The following CFTR variants were observed in gnomAD, a reference collection of about 807,000 sequenced individuals.
CFTR encodes CF transmembrane conductance regulator.
Under a neutral mutation model 171.6 loss-of-function variants are expected in CFTR, and 181 were observed. The observed-to-expected ratio is 1.05, with a 90% CI of 0.93 to 1.19. The LOEUF is 1.19. Ranked by LOEUF, CFTR falls within the 50% of genes most tolerant of loss-of-function variation. The pLI, the probability that CFTR is intolerant of heterozygous loss-of-function variation, is 0.00. For synonymous variants in CFTR, 583 were observed against 608.0 expected (o/e 0.96, Z 0.60); for missense variants, 1,968 against 1,734.7 (o/e 1.13, Z -2.39).
At chr7:117,553,375 A>C (rs1391529605) in intron 10 of CFTR, among the ~76,000 whole-genome samples, 1 of 152,206 alleles carries the variant, frequency 6.6e-6, no homozygotes, top group Non-Finnish European at 1.5e-5. Context: ...ACAACACTAC[A>C]AATAACTTTA....
intron 11 of CFTR, among the ~76,000 whole-genome samples, chr7:117,563,069 T>C (rs1238350289): frequency 2.0e-5 from 3 of 152,064 alleles, no homozygotes; most frequent in East Asian, 1.9e-4. Flanking sequence ...CTGACTGTGA[T>C]AGTGAGGAGC....
At chr7:117,544,655 C>A (rs1256220852) in intron 9 of CFTR, among the ~76,000 whole-genome samples, 4 of 152,190 alleles carry the variant, frequency 2.6e-5, no homozygotes, top group Non-Finnish European at 5.9e-5. Flanking sequence ...GCTTCAACAT[C>A]TTTTGTCAAC....
Position 117,595,164 on chromosome 7 carries a change from TGTATACATGTATAA to T in CFTR, c.2619+111_2619+124del. 4 of 835,888 alleles carry T rather than the reference TGTATACATGTATAA, an allele frequency of 4.8e-6. No individual in the cohort carries two copies. The South Asian group carries it at 5.8e-5, about 12-fold the overall frequency. The allele number at this position is 835,888 out of a possible 1,614,324, so 51.8% of individuals were successfully genotyped here. ...ACACATAAATATGTATATATACACA[TGTATACATGTATAA>T]GTATGCATATATACACACATATATC... On this transcript the variant is annotated intron_variant, in intron 15 of 26. Transcript: ENST00000003084.
chr7:117,620,288 C>T (rs1453356539), intron 21 of CFTR, among the ~76,000 whole-genome samples: 1 of 152,174 alleles, frequency 6.6e-6, no homozygotes, highest in African/African-American at 2.4e-5. Context: ...CAAGTCCTAG[C>T]CTCCTTGAGG....
intron 8 of CFTR, among the ~76,000 whole-genome samples, chr7:117,540,867 A>T (rs2115878213): frequency 6.6e-6 from 1 of 152,284 alleles, no homozygotes; most frequent in East Asian, 1.9e-4. Context: ...TGGCTCCTAG[A>T]CCTGTCTTAT....
chr7:117,543,632 G>A (rs926674530), intron 9 of CFTR, among the ~76,000 whole-genome samples: 3 of 152,106 alleles, frequency 2.0e-5, no homozygotes, highest in African/African-American at 7.2e-5. Flanking sequence ...TAGGGACTTG[G>A]CTCAGCTCAC....
At chr7:117,501,131 C>G (rs919070787) in intron 1 of CFTR, among the ~76,000 whole-genome samples, 2 of 152,148 alleles carry the variant, frequency 1.3e-5, no homozygotes, top group Non-Finnish European at 2.9e-5. Flanking sequence ...AAATTCTGCT[C>G]ATTTGTAAAT....
chr7:117,552,923 G>A (rs1449146748), intron 10 of CFTR, among the ~76,000 whole-genome samples: 1 of 152,156 alleles, frequency 6.6e-6, no homozygotes, highest in East Asian at 1.9e-4. Flanking sequence ...GTATTGCAGG[G>A]TGGGGCCTTT....
intron 10 of CFTR, among the ~76,000 whole-genome samples, chr7:117,557,669 T>C (rs754922924): frequency 6.6e-6 from 1 of 152,098 alleles, no homozygotes. Flanking sequence ...AACATGAAAA[T>C]TATAGTCCTT....
intron 7 of CFTR, 125 bp downstream of exon 7, chr7:117,536,798 G>T: frequency 1.2e-6 from 1 of 840,632 alleles, no homozygotes; most frequent in Non-Finnish European, 1.9e-6. Context: ...TTGCATTTAA[G>T]TTCTGTCAAT....
intron 3 of CFTR, among the ~76,000 whole-genome samples, chr7:117,516,155 G>C (rs1024797307): frequency 2.0e-5 from 3 of 152,072 alleles, no homozygotes; most frequent in African/African-American, 4.8e-5. Context: ...GTCCTTTAAT[G>C]ACTAATGAAT....
intron 16 of CFTR, 114 bp downstream of exon 16, chr7:117,602,977 T>G: frequency 9.8e-7 from 1 of 1,019,734 alleles, no homozygotes. Flanking sequence ...CTCCCAAGCA[T>G]TATGGTAGTG....
chr7:117,480,783 T>C (rs1048549031), intron 1 of CFTR, among the ~76,000 whole-genome samples: 5 of 152,196 alleles, frequency 3.3e-5, no homozygotes, highest in Non-Finnish European at 7.3e-5. Flanking sequence ...ATACCGAAGT[T>C]ATATCCAACT....
At chr7:117,664,566 TG>T in intron 24 of CFTR, 121 bp from the exon 25 acceptor site, 2 of 858,240 alleles carry the variant, frequency 2.3e-6, no homozygotes, top group Admixed American at 1.9e-5. Context: ...TGGCAGGTAG[TG>T]GGGGTAGAGG....
chr7:117,485,734 G>T (rs895083338), intron 1 of CFTR, among the ~76,000 whole-genome samples: 2 of 151,976 alleles, frequency 1.3e-5, no homozygotes, highest in African/African-American at 4.8e-5. Context: ...AAGTTGCAAG[G>T]CTTGTCAACT....
intron 21 of CFTR, among the ~76,000 whole-genome samples, chr7:117,617,549 C>T (rs1306649322): frequency 2.0e-5 from 3 of 151,812 alleles, no homozygotes; most frequent in Non-Finnish European, 4.4e-5. Context: ...AATTCCAACC[C>T]CTGCAGCCAG....
intron 20 of CFTR, among the ~76,000 whole-genome samples, chr7:117,613,254 A>T (rs1792432794): frequency 6.6e-6 from 1 of 152,204 alleles, no homozygotes; most frequent in Non-Finnish European, 1.5e-5. Flanking sequence ...ATGCTATAAC[A>T]TGGTTGAGTG....
Position 117,594,852 on chromosome 7 carries a change from C to T in CFTR, c.2491-78C>T, listed in dbSNP as rs1176411633. ...TCAAGTAATACTATTCTTTTATTTTCATATATTAAAAATAAAACCACAATG... is the reference window on the plus strand; with the variant it reads ...TCAAGTAATACTATTCTTTTATTTTTATATATTAAAAATAAAACCACAATG... On this transcript the variant is annotated intron_variant, in intron 14 of 26. Transcript: ENST00000003084. 1.3e-5 allele frequency: 17 copies of T among 1,276,236 alleles called. No individual in the cohort carries two copies. The South Asian group carries it at 1.9e-4, about 14-fold the overall frequency. 79.1% of individuals were successfully genotyped at this position (1,276,236 alleles called of 1,614,324 possible). A position where few individuals can be genotyped will look rare whatever the true frequency, so the allele number is the denominator to read the frequency against.
intron 1 of CFTR, among the ~76,000 whole-genome samples, chr7:117,499,202 T>C (rs1253093666): frequency 6.6e-6 from 1 of 152,122 alleles, no homozygotes; most frequent in Non-Finnish European, 1.5e-5. Context: ...TCTGAAGTTT[T>C]GGCAGATGAA....
Sources: gnomAD v4.1 joint callset for allele counts (sites outside exome capture counted in the v4.1 genomes callset) on GRCh38, gnomAD v4.1.1 for gene constraint, MANE v1.5 for transcripts, NCBI Gene and HGNC (gene_info 2026-07-23, HGNC 2026-07-21) for gene names.